The following UBE2E2 variants were observed in gnomAD, a reference collection of about 807,000 sequenced individuals.
UBE2E2 encodes ubiquitin conjugating enzyme E2 E2.
In UBE2E2, 6 loss-of-function variants were observed where a neutral mutation model predicts 24.7. That is an observed-to-expected ratio of 0.24 (90% CI 0.13 to 0.48). The LOEUF is 0.48. Among genes scored for constraint, UBE2E2 ranks in the 20% least tolerant of loss-of-function variants. The probability of loss-of-function intolerance (pLI) is 0.99; values close to 1 mark genes in which losing one functional copy is unlikely to be tolerated. For missense variants in UBE2E2, 169 were observed against 245.0 expected (o/e 0.69, Z 2.07); for synonymous variants, 104 against 83.6 (o/e 1.24, Z -1.33).
intron 3 of UBE2E2, among the ~76,000 whole-genome samples, chr3:23,357,525 A>G (rs1011112103): frequency 1.3e-5 from 2 of 152,130 alleles, no homozygotes; most frequent in Non-Finnish European, 2.9e-5. Flanking sequence ...CATTTTTTTA[A>G]ATAATCCTAC....
chr3:23,412,145 C>T (rs1298456915), intron 3 of UBE2E2, among the ~76,000 whole-genome samples: 1 of 151,760 alleles, frequency 6.6e-6, no homozygotes, highest in East Asian at 1.9e-4. Flanking sequence ...AATTAGTTAC[C>T]AGTTATAATC....
At chr3:23,277,663 A>G (rs1055734163) in intron 3 of UBE2E2, among the ~76,000 whole-genome samples, 4 of 152,116 alleles carry the variant, frequency 2.6e-5, no homozygotes, top group African/African-American at 9.7e-5. Context: ...TAATTCTTCC[A>G]TTAACTGTAA....
chr3:23,539,639 T>G (rs1018225128), intron 5 of UBE2E2, among the ~76,000 whole-genome samples: 1 of 152,236 alleles, frequency 6.6e-6, no homozygotes, highest in Admixed American at 6.5e-5. Flanking sequence ...ATTTTTAAAG[T>G]AGGAAGGTAA....
At chr3:23,365,783 A>C (rs1374453730) in intron 3 of UBE2E2, among the ~76,000 whole-genome samples, 1 of 152,184 alleles carries the variant, frequency 6.6e-6, no homozygotes, top group African/African-American at 2.4e-5. Flanking sequence ...GTATGGAACC[A>C]AAAAAGAGCC....
At chr3:23,348,318 G>GT (rs1231582310) in intron 3 of UBE2E2, among the ~76,000 whole-genome samples, 2 of 147,122 alleles carry the variant, frequency 1.4e-5, no homozygotes, top group Non-Finnish European at 3.0e-5. Flanking sequence ...ACACAGAAGG[G>GT]TGGGAATAAA....
At chr3:23,421,569 G>A (rs1351284945) in intron 3 of UBE2E2, among the ~76,000 whole-genome samples, 1 of 152,138 alleles carries the variant, frequency 6.6e-6, no homozygotes. Flanking sequence ...ACCACTCCTA[G>A]CTAATTTTTT....
chr3:23,285,269 A>G (rs1304267608), intron 3 of UBE2E2, among the ~76,000 whole-genome samples: 3 of 151,914 alleles, frequency 2.0e-5, no homozygotes, highest in Non-Finnish European at 2.9e-5. Flanking sequence ...TTCTTTATCC[A>G]CTTGTCTATT....
intron 3 of UBE2E2, among the ~76,000 whole-genome samples, chr3:23,238,565 G>A (rs2125336530): frequency 6.6e-6 from 1 of 152,256 alleles, no homozygotes; most frequent in Non-Finnish European, 1.5e-5. Flanking sequence ...TTAAAAGCTA[G>A]TATATAGGAT....
At chr3:23,358,723 G>GT (rs561505447) in intron 3 of UBE2E2, among the ~76,000 whole-genome samples, 3 of 152,124 alleles carry the variant, frequency 2.0e-5, no homozygotes, top group Non-Finnish European at 4.4e-5. Context: ...CTGAAATTAA[G>GT]TATTTAAATA....
At chr3:23,342,828 A>G (rs1164745905) in intron 3 of UBE2E2, among the ~76,000 whole-genome samples, 2 of 151,492 alleles carry the variant, frequency 1.3e-5, no homozygotes, top group Admixed American at 6.6e-5. Context: ...AAACTTTTAT[A>G]TTTTTTTTTC....
At chr3:23,568,558 A>T (rs1696135505) in intron 5 of UBE2E2, among the ~76,000 whole-genome samples, 1 of 150,424 alleles carries the variant, frequency 6.6e-6, no homozygotes, top group African/African-American at 2.4e-5. Flanking sequence ...GCTGGCAGAA[A>T]CAAACGCTTG....
At chr3:23,492,722 G>A (rs968584858) in intron 3 of UBE2E2, among the ~76,000 whole-genome samples, 1 of 151,992 alleles carries the variant, frequency 6.6e-6, no homozygotes, top group Non-Finnish European at 1.5e-5. Flanking sequence ...TGTTTTTTCA[G>A]CATTTGATAT....
Position 23,295,816 on chromosome 3 carries a change from G to T in UBE2E2, c.227+78504G>T, listed in dbSNP as rs531610915. 2.6e-5 allele frequency among the ~76,000 whole-genome samples: 4 copies of T among 152,254 alleles called. No homozygotes were observed. The South Asian group carries it at 8.3e-4, about 32-fold the overall frequency. ...TTAAAGCTGGATTTTCATAGGAAGT[G>T]CACATTTGGTAATTTGTATATATAT... On this transcript the variant is annotated intron_variant, in intron 3 of 5. Coordinates refer to ENST00000396703, the MANE Select transcript of UBE2E2 (RefSeq NM_152653.4).
At chr3:23,359,889 C>G (rs1251302703) in intron 3 of UBE2E2, among the ~76,000 whole-genome samples, 2 of 152,148 alleles carry the variant, frequency 1.3e-5, no homozygotes, top group African/African-American at 4.8e-5. Flanking sequence ...GCTTTCTAAA[C>G]TCTGACTGTA....
At chr3:23,361,212 CT>C (rs1326858367) in intron 3 of UBE2E2, among the ~76,000 whole-genome samples, 1 of 152,006 alleles carries the variant, frequency 6.6e-6, no homozygotes, top group Non-Finnish European at 1.5e-5. Context: ...AAAGGGAGTC[CT>C]TTTATACTGC....
chr3:23,548,380 C>G (rs1320583709), intron 5 of UBE2E2, among the ~76,000 whole-genome samples: 1 of 152,140 alleles, frequency 6.6e-6, no homozygotes, highest in African/African-American at 2.4e-5. Context: ...AACAATTTAT[C>G]TATTGTACAT....
chr3:23,426,026 A>C (rs1043455930), intron 3 of UBE2E2, among the ~76,000 whole-genome samples: 6 of 152,200 alleles, frequency 3.9e-5, no homozygotes, highest in Admixed American at 6.5e-5. Context: ...GCAGATGGGC[A>C]ATGTAAGCAG....
intron 4 of UBE2E2, among the ~76,000 whole-genome samples, chr3:23,510,747 A>G (rs189521318): frequency 9.5e-4 from 145 of 152,338 alleles, no homozygotes; most frequent in African/African-American, 3.3e-3. Context: ...GAGACCTGCC[A>G]AAAATTCTTG....
intron 3 of UBE2E2, among the ~76,000 whole-genome samples, chr3:23,380,337 G>T (rs1696638496): frequency 6.6e-6 from 1 of 152,226 alleles, no homozygotes; most frequent in South Asian, 2.1e-4. Flanking sequence ...TTTCTGAGCA[G>T]CTAGGACTAC....
Sources: allele counts gnomAD v4.1 joint callset (sites outside exome capture counted in the v4.1 genomes callset), GRCh38; gene constraint gnomAD v4.1.1; transcripts MANE v1.5; gene names NCBI Gene and HGNC (gene_info 2026-07-23, HGNC 2026-07-21).